The following GTPBP6 variants were observed in gnomAD, a reference collection of about 807,000 sequenced individuals.
GTPBP6 encodes putative GTP-binding protein 6.
A neutral mutation model predicts 28.9 loss-of-function variants in GTPBP6; 33 were observed. The ratio of observed to expected loss-of-function variants is 1.14; its 90% CI spans 0.87 to 1.53. The LOEUF (loss-of-function observed/expected upper bound fraction) is 1.53, where lower values mean the gene tolerates loss of function less well. Ranked by LOEUF, GTPBP6 falls within the 40% of genes most tolerant of loss-of-function variation. The pLI is 0.00. For missense variants in GTPBP6, 507 were observed against 408.3 expected (o/e 1.24, Z -2.08); for synonymous variants, 231 against 192.7 (o/e 1.20, Z -1.65).
At chrX:310,266 T>C (rs1179551844) in intron 7 of GTPBP6, among the ~76,000 whole-genome samples, 1 of 147,454 alleles carries the variant, frequency 6.8e-6, no homozygotes, top group African/African-American at 2.5e-5. Context: ...CAGGTGTCCT[T>C]CTAAGAGACA....
In GTPBP6 at chrX:316,252, C is replaced by T. The variant is rs1245485177; in HGVS notation, c.487+662G>A. On this transcript the variant is annotated intron_variant, in intron 2 of 9. Transcript: ENST00000326153. Reference sequence around the variant, plus strand: ...GCAGGGACACAAACACATACACACGCAGACACACACACAGACACACACACA... The same window carrying T: ...GCAGGGACACAAACACATACACACGTAGACACACACACAGACACACACACA... 7.7e-4 allele frequency among the ~76,000 whole-genome samples: 54 copies of T among 69,846 alleles called. 16 individuals are homozygous for T. The highest frequency in any genetic ancestry group is 2.4e-3 in the African/African-American group (49 of 20,246). 45.8% of individuals were successfully genotyped at this position (69,846 alleles called of 152,430 possible). A position where few individuals can be genotyped will look rare whatever the true frequency, so the allele number is the denominator to read the frequency against.
At chrX:307,562 A>G (rs1205967417) in intron 8 of GTPBP6, 50 bp from the exon 9 acceptor site, 14 of 1,589,688 alleles carry the variant, frequency 8.8e-6, no homozygotes, top group Non-Finnish European at 1.1e-5. Flanking sequence ...GGGCGGCCGG[A>G]CGAAATCAGG....
At chrX:305,071 C>G (rs367652616) in exon 10 of GTPBP6, 4 of 1,612,476 alleles carry the variant, frequency 2.5e-6, no homozygotes, top group Non-Finnish European at 3.4e-6. Flanking sequence ...TGTGGGCGTC[C>G]GTTCATCCTG....
At chrX:316,891 G>A (rs1178164184) in intron 2 of GTPBP6, 23 bp downstream of exon 2, 1 of 398,530 alleles carries the variant, frequency 2.5e-6, no homozygotes, top group African/African-American at 2.1e-5. Context: ...GTTTGGGGAA[G>A]GAGCAGGTCT....
intron 1 of GTPBP6, among the ~76,000 whole-genome samples, chrX:317,687 GCCCACCCAACCCCAC>G (rs1416230114): frequency 5.5e-5 from 3 of 54,510 alleles, no homozygotes; most frequent in African/African-American, 1.7e-4. Flanking sequence ...AACCGCCCCG[GCCCACCCAACCCCAC>G]CCCACCCCAC....
At position 307,454 on chromosome X, in the gene GTPBP6, G is replaced by A. The variant is rs2070195114; in HGVS notation, c.1333C>T (p.Gln445Ter). 1 of 1,612,008 alleles carries A rather than the reference G, an allele frequency of 6.2e-7. No individual in the cohort carries two copies. The highest frequency in any genetic ancestry group is 8.5e-7 in the Non-Finnish European group (1 of 1,179,506). Residue 445 changes from glutamine (Q) to a stop codon, truncating the protein, a stop_gained, in exon 9 of 10, where the codon CAG becomes TAG. Transcript: ENST00000326153. LOFTEE classifies it high-confidence loss of function. Reference sequence around the variant, plus strand: ...GCATCGAGCTCAGCTTTCAGCTCCTGGAGCCCGTGGCCCCGCAGGGCAGAC... The same window carrying A: ...GCATCGAGCTCAGCTTTCAGCTCCTAGAGCCCGTGGCCCCGCAGGGCAGAC...
exon 1 of GTPBP6, chrX:318,479 A>T (rs1345426076): frequency 2.5e-6 from 1 of 398,158 alleles, no homozygotes; most frequent in African/African-American, 2.1e-5. Context: ...ACTTGACGTC[A>T]GGGTGAACCA....
At chrX:312,722 G>GTACCCC (rs376744795) in intron 6 of GTPBP6, 44 bp downstream of exon 6, 667,375 of 1,592,732 alleles carry the variant, frequency 0.42, 145,047 homozygotes, top group Admixed American at 0.62. Context: ...CCTCACCGGT[G>GTACCCC]ACACGGAGAC....
intron 7 of GTPBP6, among the ~76,000 whole-genome samples, chrX:308,302 G>A (rs2070215609): frequency 6.6e-6 from 1 of 151,748 alleles, no homozygotes; most frequent in African/African-American, 2.4e-5. Flanking sequence ...TTACAGGCAG[G>A]CTCCTTACAC....
intron 1 of GTPBP6, among the ~76,000 whole-genome samples, chrX:317,571 G>GGGGGA (rs1184688470): frequency 8.6e-6 from 1 of 116,552 alleles, no homozygotes; most frequent in African/African-American, 3.1e-5. Context: ...GTGGGGGGTG[G>GGGGGA]GACTAGACAC....
At chrX:307,688 G>T in intron 8 of GTPBP6, 44 bp downstream of exon 8, 1 of 1,455,938 alleles carries the variant, frequency 6.9e-7, no homozygotes. Context: ...GCTCCAGCGC[G>T]TGCAGGGGAA....
At position 315,705 on chromosome X, in the gene GTPBP6, CAGTAAATACATCCCGACAGGG is replaced by C. The variant is rs2070422040; in HGVS notation, c.488-427_488-407del. ...ACACATACACACACACACACACACACAGTAAATACATCCCGACAGGGACAGACACACACACAGACACATACA... is the reference window on the plus strand; with the variant it reads ...ACACATACACACACACACACACACACACAGACACACACACAGACACATACA... On this transcript the variant is annotated intron_variant, in intron 2 of 9. Coordinates refer to ENST00000326153, the Ensembl canonical transcript of GTPBP6. 3.9e-3 allele frequency among the ~76,000 whole-genome samples: 73 copies of C among 18,870 alleles called. 12 individuals carry two copies. The highest frequency in any genetic ancestry group is 8.2e-3 in the Non-Finnish European group (46 of 5,644). 12.4% of individuals were successfully genotyped at this position (18,870 alleles called of 152,430 possible). A position where few individuals can be genotyped will look rare whatever the true frequency, so the allele number is the denominator to read the frequency against.
chrX:314,128 C>A (rs377229037), intron 5 of GTPBP6, 22 bp downstream of exon 5: 1 of 1,597,856 alleles, frequency 6.3e-7, no homozygotes, highest in Non-Finnish European at 8.6e-7. Context: ...CCCTCTGGGA[C>A]GCCGCGCCCG....
intron 5 of GTPBP6, 64 bp downstream of exon 5, chrX:314,086 G>A (rs971843684): frequency 8.7e-7 from 1 of 1,144,650 alleles, no homozygotes; most frequent in Admixed American, 1.9e-5. Flanking sequence ...GGCTGAGAAG[G>A]GTGGCTGCCG....
At chrX:318,234 C>T (rs1187381759) in intron 1 of GTPBP6, among the ~76,000 whole-genome samples, 1 of 151,448 alleles carries the variant, frequency 6.6e-6, no homozygotes, top group Non-Finnish European at 1.5e-5. Context: ...GAATCTCCAC[C>T]TATGAAATCC....
At chrX:317,700 C>CACCCCACCCA (rs2070464212) in intron 1 of GTPBP6, among the ~76,000 whole-genome samples, 3 of 16,874 alleles carry the variant, frequency 1.8e-4, no homozygotes, top group African/African-American at 6.6e-4. Context: ...CACCCAACCC[C>CACCCCACCCA]ACCCCACCCC....
intron 6 of GTPBP6, 35 bp from the exon 7 acceptor site, chrX:311,662 T>A (rs9635652): frequency 1.4e-5 from 22 of 1,521,788 alleles, no homozygotes; most frequent in Non-Finnish European, 1.9e-5. Context: ...GCTGCAGAGA[T>A]CCCTGCGTCC....
exon 10 of GTPBP6, chrX:305,033 G>A (rs769109430): frequency 1.2e-6 from 2 of 1,605,926 alleles, no homozygotes; most frequent in Non-Finnish European, 1.7e-6. Flanking sequence ...AGCTCCCCAG[G>A]CAGCGATGCC....
At chrX:314,315 G>C in intron 4 of GTPBP6, 98 bp from the exon 5 acceptor site, 1 of 997,772 alleles carries the variant, frequency 1.0e-6, no homozygotes, top group Admixed American at 1.8e-5. Context: ...CTGGGCCTCT[G>C]GGCCGAAGGG....
Sources: gnomAD v4.1 joint callset for allele counts (sites outside exome capture counted in the v4.1 genomes callset) on GRCh38, gnomAD v4.1.1 for gene constraint, MANE v1.5 for transcripts, NCBI Gene and HGNC (gene_info 2026-07-23, HGNC 2026-07-21) for gene names.